The following ADGRV1 variants were observed in gnomAD, a reference collection of about 807,000 sequenced individuals.
ADGRV1 encodes G-protein coupled receptor 98.
A neutral mutation model predicts 596.2 loss-of-function variants in ADGRV1; 359 were observed. The ratio of observed to expected loss-of-function variants is 0.60; its 90% CI spans 0.55 to 0.66. The LOEUF (loss-of-function observed/expected upper bound fraction) is 0.66. ADGRV1 is among the 30% of genes least tolerant of loss of function. The pLI is 0.00. For synonymous variants in ADGRV1, 2,681 were observed against 2,679.2 expected, an observed-to-expected ratio of 1.00 and a Z score of -0.02; for missense variants, 7,274 against 7,575.6, an observed-to-expected ratio of 0.96 and a Z score of 1.48.
chr5:90,810,432 G>C lies in ADGRV1; in HGVS notation c.15172G>C (p.Val5058Leu). The change falls in exon 74 of 90, where the codon GTT becomes CTT. Residue 5058 changes from valine to leucine, a missense_variant. By Grantham distance (32) the Val-to-Leu change is conservative. Transcript: ENST00000405460. ...SAKPLEDFEPVQNGELFFQKF... is the reference protein window; with the variant it reads ...SAKPLEDFEPLQNGELFFQKF... Reference sequence around the variant, plus strand: ...CAAGCCACTGGAAGATTTTGAGCCTGTTCAGAATGGGGAACTGTTTTTTCA... The same window carrying C: ...CAAGCCACTGGAAGATTTTGAGCCTCTTCAGAATGGGGAACTGTTTTTTCA... The C allele has an allele frequency of 6.2e-7, 1 of 1,613,892 alleles. No homozygotes were observed. The highest frequency in any genetic ancestry group is 1.1e-5 in the South Asian group (1 of 91,072).
rs1295463654 is a variant in ADGRV1 at position 90,704,451 on chromosome 5, A to G, written c.8349A>G (p.Glu2783=). ...ATGACAACATTCCTGAGGAGAAAGA[A>G]GTATACCAAGTCATTCTGTATGATG... is the stretch of plus-strand genomic sequence containing the variant. The part of the protein sequence containing the change: ...LLDDNIPEEK[E]VYQVILYDVR... The change falls in exon 36 of 90, where the codon GAA becomes GAG. Residue 2783 remains glutamate (E), a synonymous_variant. Coordinates refer to ENST00000405460, the MANE Select transcript of ADGRV1 (RefSeq NM_032119.4). 6.3e-6 allele frequency: 10 copies of G among 1,578,458 alleles called. No individual in the cohort carries two copies. The Admixed American group carries it at 1.4e-4, about 23-fold the overall frequency.
intron 77 of ADGRV1, among the ~76,000 whole-genome samples, chr5:90,833,585 A>G (rs1231295754): frequency 1.3e-5 from 2 of 152,108 alleles, no homozygotes; most frequent in African/African-American, 4.8e-5. Flanking sequence ...ATGCCTAGCC[A>G]GTTTTACAGT....
At chr5:90,765,245 C>T (rs969427588) in intron 59 of ADGRV1, among the ~76,000 whole-genome samples, 11 of 152,148 alleles carry the variant, frequency 7.2e-5, no homozygotes, top group Admixed American at 3.9e-4. Flanking sequence ...AGGCACTGGG[C>T]ACTGTGCACT....
At chr5:91,058,967 T>C (rs1787153679) in intron 85 of ADGRV1, among the ~76,000 whole-genome samples, 1 of 152,224 alleles carries the variant, frequency 6.6e-6, no homozygotes, top group Admixed American at 6.5e-5. Context: ...ACTGAACTCA[T>C]ACTGCACAGC....
chr5:90,939,083 A>G (rs538763103), intron 83 of ADGRV1, among the ~76,000 whole-genome samples: 3 of 152,220 alleles, frequency 2.0e-5, no homozygotes, highest in Non-Finnish European at 2.9e-5. Context: ...TTATTTGTCT[A>G]TCAATCAAAG....
intron 87 of ADGRV1, among the ~76,000 whole-genome samples, chr5:91,149,694 G>A (rs980502034): frequency 3.9e-5 from 6 of 151,906 alleles, no homozygotes; most frequent in African/African-American, 2.4e-5. Flanking sequence ...TTAGCCAGGT[G>A]TGGTGGCACA....
chr5:91,054,868 C>A (rs1417338060), intron 85 of ADGRV1, among the ~76,000 whole-genome samples: 2 of 152,040 alleles, frequency 1.3e-5, no homozygotes, highest in Non-Finnish European at 2.9e-5. Context: ...ATAGAGGAGG[C>A]CACTGAGATT....
rs577248684 is a variant in ADGRV1 at position 90,917,989 on chromosome 5, A to G, written c.17857-47426A>G. On this transcript the variant is annotated intron_variant, in intron 83 of 89. Transcript: ENST00000405460. ...AGCTCTTAGGCAGATATATTTCACT[A>G]TTTCATTTTTCAAATGAGAATGAGC... Among the ~76,000 whole-genome samples the G allele has an allele frequency of 3.3e-5, 5 of 152,126 alleles. No homozygotes were observed. The South Asian group carries it at 1.0e-3, about 32-fold the overall frequency.
chr5:90,579,938 C>G (rs541365656), intron 1 of ADGRV1, among the ~76,000 whole-genome samples: 1 of 150,882 alleles, frequency 6.6e-6, no homozygotes, highest in South Asian at 2.1e-4. Context: ...GCAACCCCTG[C>G]TTTTTTTTTG....
In ADGRV1 at chr5:90,720,204, A is replaced by G. The variant is rs2149767522; in HGVS notation, c.9604A>G (p.Ile3202Val). 2 of 1,570,480 alleles carry G rather than the reference A, an allele frequency of 1.3e-6. No individual in the cohort carries two copies. Among genetic ancestry groups the G allele is most frequent in the Non-Finnish European group, 8.6e-7 (1 of 1,157,998 alleles). Residue 3202 changes from isoleucine to valine, a missense_variant, in exon 44 of 90, where the codon ATC becomes GTC. Around this residue, in one of 5 missense-constraint regions of ADGRV1, gnomAD observed 3,643 missense variants for 3,809.2 expected, o/e 0.96. Transcript: ENST00000405460. ...CCAGGCCCCTTTGGGGCTATTCAGT[A>G]TCTCTGCAGTTGAAAATAGGTATAG... The part of the protein sequence containing the change: ...QNQAPLGLFS[I>V]SAVENRATSI...
chr5:90,895,755 C>G (rs1771251472), intron 83 of ADGRV1, among the ~76,000 whole-genome samples: 1 of 152,172 alleles, frequency 6.6e-6, no homozygotes, highest in Non-Finnish European at 1.5e-5. Context: ...TTTTAACTTG[C>G]TGTCCTCCAG....
intron 21 of ADGRV1, among the ~76,000 whole-genome samples, chr5:90,666,186 G>A (rs1423235745): frequency 5.3e-5 from 8 of 150,660 alleles, no homozygotes; most frequent in African/African-American, 9.8e-5. Flanking sequence ...TTTCTGTCTC[G>A]TTGATCTGTC....
At chr5:90,796,279 A>AGTT (rs1760700148) in intron 70 of ADGRV1, among the ~76,000 whole-genome samples, 4 of 152,168 alleles carry the variant, frequency 2.6e-5, no homozygotes, top group African/African-American at 9.7e-5. Context: ...AGAGAAGAAC[A>AGTT]TAAATGACCT....
At chr5:90,716,137 T>C (rs1750080179) in intron 42 of ADGRV1, among the ~76,000 whole-genome samples, 1 of 152,196 alleles carries the variant, frequency 6.6e-6, no homozygotes, top group Non-Finnish European at 1.5e-5. Flanking sequence ...TAGTAACAAT[T>C]ATGACAGACA....
intron 9 of ADGRV1, among the ~76,000 whole-genome samples, chr5:90,633,736 C>T (rs1021270971): frequency 6.6e-6 from 1 of 151,820 alleles, no homozygotes. Flanking sequence ...CTAAAGATCA[C>T]GTTTTATTTT....
At chr5:90,593,225 G>C (rs1458301208) in intron 1 of ADGRV1, among the ~76,000 whole-genome samples, 1 of 152,186 alleles carries the variant, frequency 6.6e-6, no homozygotes, top group Admixed American at 6.5e-5. Context: ...TGATAGACTG[G>C]ATTAAGAAAA....
intron 83 of ADGRV1, among the ~76,000 whole-genome samples, chr5:90,918,601 G>C (rs1383532618): frequency 6.6e-6 from 1 of 152,114 alleles, no homozygotes; most frequent in Admixed American, 6.5e-5. Flanking sequence ...CTTAATGTCT[G>C]TGTGCCTCAG....
chr5:90,722,716 C>CAAAAAAAAAAAAAAAAAAAAA (rs55761821), intron 45 of ADGRV1, among the ~76,000 whole-genome samples: 3 of 32,874 alleles, frequency 9.1e-5, no homozygotes, highest in African/African-American at 2.5e-4. Context: ...AACTCCGTCT[C>CAAAAAAAAAAAAAAAAAAAAA]AAAAAAAAAA....
At chr5:90,918,419 A>C (rs1253722764) in intron 83 of ADGRV1, among the ~76,000 whole-genome samples, 5 of 152,132 alleles carry the variant, frequency 3.3e-5, no homozygotes, top group Non-Finnish European at 7.4e-5. Context: ...TGTTCGGGCT[A>C]TTTTCAGCGA....
Sources: gnomAD v4.1 joint callset for allele counts (sites outside exome capture counted in the v4.1 genomes callset) on GRCh38, gnomAD v4.1.1 for gene constraint, gnomAD v4.1.1 regional missense constraint, MANE v1.5 for transcripts, NCBI Gene and HGNC (gene_info 2026-07-23, HGNC 2026-07-21) for gene names.